WDR45B: variants seen among roughly 807,000 people sequenced by gnomAD.
WDR45B encodes WD repeat domain phosphoinositide-interacting protein 3.
A neutral mutation model predicts 44.6 loss-of-function variants in WDR45B; 20 were observed. That is an observed-to-expected ratio of 0.45 (90% CI 0.32 to 0.65). The LOEUF is 0.65. Among genes scored for constraint, WDR45B ranks in the 30% least tolerant of loss-of-function variants. The pLI, the probability that WDR45B is intolerant of heterozygous loss-of-function variation, is 0.05. For missense variants in WDR45B, 323 were observed against 430.2 expected (o/e 0.75, Z 2.20); for synonymous variants, 169 against 164.9 (o/e 1.02, Z -0.19).
chr17:82,621,003 C>T (rs2045607728), intron 6 of WDR45B, among the ~76,000 whole-genome samples: 2 of 151,510 alleles, frequency 1.3e-5, no homozygotes, highest in South Asian at 4.2e-4. Flanking sequence ...TATGACAAAG[C>T]TGTCATATCT....
chr17:82,638,818 C>T (rs1189103033), intron 2 of WDR45B, among the ~76,000 whole-genome samples: 1 of 151,886 alleles, frequency 6.6e-6, no homozygotes, highest in Non-Finnish European at 1.5e-5. Context: ...CACTGTGAAA[C>T]AACATCATTT....
chr17:82,632,184 C>T (rs1396150014), intron 2 of WDR45B, among the ~76,000 whole-genome samples: 1 of 151,524 alleles, frequency 6.6e-6, no homozygotes, highest in Non-Finnish European at 1.5e-5. Context: ...TTTTAAGAAA[C>T]AGGGTCTTGC....
Position 82,619,034 on chromosome 17 carries a change from T to C in WDR45B, c.704+9A>G. On this transcript the variant is annotated intron_variant, in intron 7 of 9. Coordinates refer to ENST00000392325, the MANE Select transcript of WDR45B (RefSeq NM_019613.4). ...AGTTCTTCTCCGGTGAAGTTGGAGGTGCCCTTACCAGTAAATATTGGCTGC... is the reference window on the plus strand; with the variant it reads ...AGTTCTTCTCCGGTGAAGTTGGAGGCGCCCTTACCAGTAAATATTGGCTGC... 1.2e-6 allele frequency: 2 copies of C among 1,613,888 alleles called. No homozygotes were observed. The highest frequency in any genetic ancestry group is 2.7e-5 in the African/African-American group (2 of 75,022).
chr17:82,622,123 C>G (rs555996573), intron 5 of WDR45B, among the ~76,000 whole-genome samples: 1 of 151,818 alleles, frequency 6.6e-6, no homozygotes, highest in Non-Finnish European at 1.5e-5. Context: ...TACACGCCAC[C>G]GAAAATGCAA....
rs1485317906 is a variant in WDR45B, at chr17:82,627,303, G to C, written c.245-12C>G. ...ATCCCAGATCATTACTGAAATATCA[G>C]AAAGAAAAGATGAATGCAGTCATCA... On this transcript the variant is annotated splice_polypyrimidine_tract_variant and intron_variant, in intron 3 of 9. Coordinates refer to ENST00000392325, the MANE Select transcript of WDR45B (RefSeq NM_019613.4). The C allele has an allele frequency of 2.5e-6, 4 of 1,598,784 alleles. No homozygotes were observed. In the African/African-American group the frequency reaches 4.0e-5, roughly 16 times the overall value.
intron 6 of WDR45B, among the ~76,000 whole-genome samples, chr17:82,620,482 G>A (rs2045599680): frequency 6.6e-6 from 1 of 152,102 alleles, no homozygotes; most frequent in Non-Finnish European, 1.5e-5. Flanking sequence ...AACTAAACCT[G>A]TTCTCAGCTG....
At position 82,644,037 on chromosome 17, in the gene WDR45B, G is replaced by A. The variant is rs2045948300; in HGVS notation, c.68-14C>T. The stretch of plus-strand genomic sequence containing the variant: ...ACGCAAAGCATCCTAAAGCAGAAGT[G>A]TAAAAGAGACATTAATCCCCAGGCC... On this transcript the variant is annotated splice_polypyrimidine_tract_variant and intron_variant, in intron 1 of 9. Transcript: ENST00000392325. 4 of 1,613,784 alleles carry A rather than the reference G, an allele frequency of 2.5e-6. No homozygotes were observed. The East Asian group carries it at 8.9e-5, about 36-fold the overall frequency.
Position 82,624,507 on chromosome 17 carries a change from G to A in WDR45B, c.427+882C>T, listed in dbSNP as rs1057297206. Among the ~76,000 whole-genome samples, 7 of 152,174 alleles carry A rather than the reference G, an allele frequency of 4.6e-5. No homozygotes were observed. The South Asian group carries it at 1.2e-3, about 27-fold the overall frequency. On this transcript the variant is annotated intron_variant, in intron 5 of 9. Coordinates refer to ENST00000392325, the MANE Select transcript of WDR45B (RefSeq NM_019613.4). ...TATCTCCTGACCTCGTGATCCGCCC[G>A]CCTTGGCCTCCTAAAGTGCTGGGAT...
In WDR45B at chr17:82,616,604, T is replaced by C. The variant is rs751831594; in HGVS notation, c.848A>G (p.Lys283Arg). 1.2e-6 allele frequency: 2 copies of C among 1,614,174 alleles called. No individual in the cohort carries two copies. The highest frequency in any genetic ancestry group is 1.7e-6 in the Non-Finnish European group (2 of 1,180,018). Residue 283 changes from lysine to arginine, a missense_variant, in exon 9 of 10, where the codon AAG becomes AGG. By Grantham distance (26) the Lys-to-Arg change is conservative. Transcript: ENST00000392325. ...ASFLPKYFSS[K>R]WSFSKFQVPS... ...AACCTGAAACTTGGAGAAACTCCAC[T>C]TGGAACTGAAGTATTTTGGAAGGAA...
Position 82,625,466 on chromosome 17 carries a change from T to C in WDR45B, c.350A>G (p.Asp117Gly). The change falls in exon 5 of 10, where the codon GAC becomes GGC. Residue 117 changes from aspartate (D) to glycine (G), a missense_variant. By Grantham distance (94) the Asp-to-Gly change is moderately conservative. Coordinates refer to ENST00000392325, the MANE Select transcript of WDR45B (RefSeq NM_019613.4). ...LRRDRIVVVL[D>G]SMIKVFTFTH... ...GAATGTGAACACCTTAATCATGGAG[T>C]CCAAAACCACCACAATTCTGGAAAG... is the stretch of plus-strand genomic sequence containing the variant. 6.2e-7 allele frequency: 1 copy of C among 1,613,950 alleles called. No individual in the cohort carries two copies. The highest frequency in any genetic ancestry group is 8.5e-7 in the Non-Finnish European group (1 of 1,179,988).
chr17:82,642,510 G>A (rs767259811), intron 2 of WDR45B, among the ~76,000 whole-genome samples: 11 of 152,198 alleles, frequency 7.2e-5, no homozygotes, highest in African/African-American at 2.2e-4. Flanking sequence ...TCTGGGAGCC[G>A]CTCCAGCACA....
Position 82,648,365 on chromosome 17 carries a change from T to G in WDR45B, c.-25A>C. The stretch of plus-strand genomic sequence containing the variant: ...TGGCGCCGCCGTGCTGGGTCGCCGC[T>G]CCTCAGCGCTGCATGCCTCTCGCTG... On this transcript the variant is annotated 5_prime_UTR_variant, in exon 1 of 10. Coordinates refer to ENST00000392325, the MANE Select transcript of WDR45B (RefSeq NM_019613.4). 1.2e-6 allele frequency: 2 copies of G among 1,601,390 alleles called. No homozygotes were observed. Among genetic ancestry groups the G allele is most frequent in the East Asian group, 4.5e-5 (2 of 43,960 alleles).
In WDR45B at chr17:82,621,686, T is replaced by G. The variant is rs2045619848; in HGVS notation, c.541A>C (p.Ile181Leu). The change falls in exon 6 of 10, where the codon ATT becomes CTT. Residue 181 changes from isoleucine to leucine, a missense_variant. Coordinates refer to ENST00000392325, the MANE Select transcript of WDR45B (RefSeq NM_019613.4). ...LASTEKPPVD[I>L]PAHEGVLSCI... is the part of the protein sequence containing the mutation. ...CTCAGGACACCCTCGTGTGCAGGAA[T>G]GTCCACGGGTGGCTTCTCCGTGCTG... 2 of 1,614,174 alleles carry G rather than the reference T, an allele frequency of 1.2e-6. No homozygotes were observed. The highest frequency in any genetic ancestry group is 4.5e-5 in the East Asian group (2 of 44,872).
intron 9 of WDR45B, among the ~76,000 whole-genome samples, 162 bp from the exon 10 acceptor site, chr17:82,616,187 C>T (rs1375371395): frequency 1.3e-5 from 2 of 152,136 alleles, no homozygotes; most frequent in Non-Finnish European, 2.9e-5. Context: ...CGGTCGGCAC[C>T]GTGGCCGGGA....
At chr17:82,633,700 T>G (rs374315548) in intron 2 of WDR45B, among the ~76,000 whole-genome samples, 2 of 152,080 alleles carry the variant, frequency 1.3e-5, no homozygotes, top group African/African-American at 4.8e-5. Context: ...TGGAAAAAAG[T>G]AGGACAGGTC....
chr17:82,630,884 ACGTGAGG>A (rs757963819), intron 3 of WDR45B, 30 bp downstream of exon 3: 56 of 1,576,144 alleles, frequency 3.6e-5, no homozygotes, highest in Non-Finnish European at 4.8e-5. Flanking sequence ...TGGGTGGGAC[ACGTGAGG>A]CATGATTCTT....
chr17:82,642,011 A>C (rs1045422006), intron 2 of WDR45B, among the ~76,000 whole-genome samples: 1 of 152,134 alleles, frequency 6.6e-6, no homozygotes, highest in South Asian at 2.1e-4. Flanking sequence ...AAAACATAAA[A>C]ATCCAAGAGG....
rs528296392 is a variant in WDR45B, at chr17:82,619,020, G to A, written c.704+23C>T. ...TGCTGTCAGCCCGAAGTTCTTCTCCGGTGAAGTTGGAGGTGCCCTTACCAG... is the reference window on the plus strand; with the variant it reads ...TGCTGTCAGCCCGAAGTTCTTCTCCAGTGAAGTTGGAGGTGCCCTTACCAG... On this transcript the variant is annotated intron_variant, in intron 7 of 9. Coordinates refer to ENST00000392325, the MANE Select transcript of WDR45B (RefSeq NM_019613.4). 61 of 1,612,084 alleles carry A rather than the reference G, an allele frequency of 3.8e-5. 1 individual carries two copies. The South Asian group carries it at 5.3e-4, about 14-fold the overall frequency.
chr17:82,642,630 C>T (rs186550907), intron 2 of WDR45B, among the ~76,000 whole-genome samples: 140 of 152,312 alleles, frequency 9.2e-4, no homozygotes, highest in Non-Finnish European at 1.7e-3. Flanking sequence ...GTCTTGGGGA[C>T]TGAGCCCTCA....
Sources: gnomAD v4.1 joint callset for allele counts (sites outside exome capture counted in the v4.1 genomes callset) on GRCh38, gnomAD v4.1.1 for gene constraint, MANE v1.5 for transcripts, NCBI Gene and HGNC (gene_info 2026-07-23, HGNC 2026-07-21) for gene names.